MCC: variants seen among roughly 807,000 people sequenced by gnomAD.
The protein encoded by MCC is colorectal mutant cancer protein.
Under a neutral mutation model 116.2 loss-of-function variants are expected in MCC, and 90 were observed. The ratio of observed to expected loss-of-function variants is 0.77; its 90% CI spans 0.65 to 0.92. The LOEUF is 0.92. MCC is among the 40% of genes least tolerant of loss of function. The pLI is 0.00. For synonymous variants in MCC, 578 were observed against 510.5 expected, an observed-to-expected ratio of 1.13 and a Z score of -1.78; for missense variants, 1,516 against 1,312.2, an observed-to-expected ratio of 1.16 and a Z score of -2.40.
intron 6 of MCC, among the ~76,000 whole-genome samples, chr5:113,120,510 C>T (rs1757677740): frequency 6.6e-6 from 1 of 152,216 alleles, no homozygotes; most frequent in African/African-American, 2.4e-5. Flanking sequence ...CAGAATACCA[C>T]TCTCCTCATT....
chr5:113,429,029 G>A (rs1393084927), intron 1 of MCC, among the ~76,000 whole-genome samples: 1 of 152,056 alleles, frequency 6.6e-6, no homozygotes, highest in East Asian at 1.9e-4. Flanking sequence ...CTATATCTAA[G>A]TATCCCATTA....
At chr5:113,278,785 T>C (rs1198793983) in intron 3 of MCC, among the ~76,000 whole-genome samples, 1 of 152,146 alleles carries the variant, frequency 6.6e-6, no homozygotes, top group Admixed American at 6.5e-5. Context: ...GAAGGGTTTC[T>C]AGGCAGGGAA....
chr5:113,486,095 G>A (rs193025893), intron 1 of MCC, among the ~76,000 whole-genome samples: 1 of 152,266 alleles, frequency 6.6e-6, no homozygotes, highest in East Asian at 1.9e-4. Context: ...AGGTAAAACT[G>A]TGCTTACCAG....
At chr5:113,233,396 A>G (rs1764009826) in intron 3 of MCC, among the ~76,000 whole-genome samples, 2 of 152,202 alleles carry the variant, frequency 1.3e-5, no homozygotes. Context: ...GTCTCAGACT[A>G]GAATGCATGA....
At chr5:113,410,022 C>CT (rs1210314487) in intron 1 of MCC, among the ~76,000 whole-genome samples, 1 of 152,150 alleles carries the variant, frequency 6.6e-6, no homozygotes, top group African/African-American at 2.4e-5. Flanking sequence ...AAATATAGTT[C>CT]TACACTTATG....
chr5:113,424,358 C>A (rs1192182477), intron 1 of MCC, among the ~76,000 whole-genome samples: 1 of 152,102 alleles, frequency 6.6e-6, no homozygotes, highest in East Asian at 1.9e-4. Context: ...AAAAACCTAT[C>A]ATGGACATCA....
chr5:113,096,524 G>C (rs751192663), intron 8 of MCC, among the ~76,000 whole-genome samples: 10 of 152,254 alleles, frequency 6.6e-5, no homozygotes, highest in South Asian at 2.1e-4. Flanking sequence ...CATAGTCAAA[G>C]CATGTAAATC....
Position 113,304,007 on chromosome 5 carries a change from T to G in MCC, c.627+36512A>C, listed in dbSNP as rs528378883. Among the ~76,000 whole-genome samples the G allele has an allele frequency of 2.6e-5, 4 of 152,302 alleles. No homozygotes were observed. The South Asian group carries it at 8.3e-4, about 32-fold the overall frequency. On this transcript the variant is annotated intron_variant, in intron 3 of 18. Transcript: ENST00000408903. ...CCAAAGCCTTACTACTAGTAAACTATGAGAATGAGATCTTGAACCAAAGTC... is the reference window on the plus strand; with the variant it reads ...CCAAAGCCTTACTACTAGTAAACTAGGAGAATGAGATCTTGAACCAAAGTC...
At chr5:113,117,463 AAGGGTATAAACCTCAACCCTC>A (rs1270308166) in intron 6 of MCC, among the ~76,000 whole-genome samples, 1 of 152,246 alleles carries the variant, frequency 6.6e-6, no homozygotes, top group Non-Finnish European at 1.5e-5. Context: ...TTTCAACCCT[AAGGGTATAAACCTCAACCCTC>A]AGGGTATAAT....
chr5:113,110,511 C>T (rs1340535958), intron 6 of MCC, among the ~76,000 whole-genome samples: 1 of 152,234 alleles, frequency 6.6e-6, no homozygotes, highest in Non-Finnish European at 1.5e-5. Flanking sequence ...TGCCAGTCTC[C>T]TCAGCCAGTT....
chr5:113,487,561 G>C (rs939344613), intron 1 of MCC, among the ~76,000 whole-genome samples: 1 of 152,254 alleles, frequency 6.6e-6, no homozygotes, highest in African/African-American at 2.4e-5. Flanking sequence ...GAGTGGAGGC[G>C]CGGAGGCGCC....
intron 3 of MCC, among the ~76,000 whole-genome samples, chr5:113,272,032 C>G (rs1765637051): frequency 6.6e-6 from 1 of 152,172 alleles, no homozygotes; most frequent in South Asian, 2.1e-4. Flanking sequence ...AACTGATTAA[C>G]TTAAATATAG....
At chr5:113,065,131 T>C (rs1482051222) in intron 13 of MCC, among the ~76,000 whole-genome samples, 2 of 152,212 alleles carry the variant, frequency 1.3e-5, no homozygotes, top group Admixed American at 6.5e-5. Flanking sequence ...CAAGTTGTTA[T>C]ACATTGGCCC....
intron 2 of MCC, among the ~76,000 whole-genome samples, chr5:113,354,159 T>A (rs1422766202): frequency 6.6e-6 from 1 of 152,164 alleles, no homozygotes. Context: ...CTCAGCACTA[T>A]CTGTCACTGT....
chr5:113,444,031 G>C (rs191814037), intron 1 of MCC, among the ~76,000 whole-genome samples: 1 of 148,984 alleles, frequency 6.7e-6, no homozygotes, highest in African/African-American at 2.6e-5. Flanking sequence ...GTTTAGTAGA[G>C]ATGGGGTTTC....
chr5:113,306,997 C>T (rs567135531), intron 3 of MCC, among the ~76,000 whole-genome samples: 23 of 152,316 alleles, frequency 1.5e-4, no homozygotes, highest in African/African-American at 5.3e-4. Flanking sequence ...ACTCTCAATT[C>T]TATTCCACTT....
intron 1 of MCC, among the ~76,000 whole-genome samples, chr5:113,464,099 A>T (rs1207618253): frequency 9.7e-6 from 1 of 103,308 alleles, no homozygotes; most frequent in Admixed American, 1.3e-4. Context: ...GTCACTAGTG[A>T]CCTTAGCATT....
intron 5 of MCC, among the ~76,000 whole-genome samples, chr5:113,139,803 C>T (rs1759073244): frequency 6.6e-6 from 1 of 152,070 alleles, no homozygotes; most frequent in Non-Finnish European, 1.5e-5. Flanking sequence ...ACACATGCAA[C>T]CTTCACCTCC....
chr5:113,349,397 C>G (rs1202432859), intron 2 of MCC, among the ~76,000 whole-genome samples: 2 of 152,030 alleles, frequency 1.3e-5, no homozygotes, highest in African/African-American at 4.8e-5. Context: ...TCAACATATA[C>G]AAATCAATCA....
Sources: allele counts gnomAD v4.1 joint callset (sites outside exome capture counted in the v4.1 genomes callset), GRCh38; gene constraint gnomAD v4.1.1; transcripts MANE v1.5; gene names NCBI Gene and HGNC (gene_info 2026-07-23, HGNC 2026-07-21).